The following SGPP2 variants were observed in gnomAD, a reference collection of about 807,000 sequenced individuals.
SGPP2 encodes the protein sphingosine 1-phosphate phosphohydrolase 2.
SGPP2 carries 30 observed loss-of-function variants against 33.9 expected under a neutral mutation model. That is an observed-to-expected ratio of 0.89 (90% CI 0.66 to 1.20). SGPP2 has a LOEUF of 1.20. SGPP2 is among the 50% of genes most tolerant of loss of function. The pLI is 0.00. For synonymous variants in SGPP2, 233 were observed against 225.0 expected, an observed-to-expected ratio of 1.04 and a Z score of -0.32; for missense variants, 458 against 532.1, an observed-to-expected ratio of 0.86 and a Z score of 1.37.
intron 1 of SGPP2, among the ~76,000 whole-genome samples, chr2:222,438,305 A>G (rs921261882): frequency 1.3e-5 from 2 of 152,198 alleles, no homozygotes; most frequent in African/African-American, 2.4e-5. Flanking sequence ...TGGCACGCAA[A>G]TGTCTCACCA....
At chr2:222,508,925 CA>C (rs1559164835) in intron 2 of SGPP2, among the ~76,000 whole-genome samples, 1 of 151,122 alleles carries the variant, frequency 6.6e-6, no homozygotes, top group Admixed American at 6.6e-5. Flanking sequence ...TCACATCCAG[CA>C]AAAAAAGCAA....
chr2:222,454,216 A>C (rs1287998392), intron 1 of SGPP2, among the ~76,000 whole-genome samples: 1 of 152,190 alleles, frequency 6.6e-6, no homozygotes, highest in Non-Finnish European at 1.5e-5. Context: ...ATCTGAAGAT[A>C]AAGAGAGGAG....
intron 2 of SGPP2, among the ~76,000 whole-genome samples, chr2:222,518,043 G>T (rs1698632247): frequency 6.6e-6 from 1 of 152,168 alleles, no homozygotes; most frequent in African/African-American, 2.4e-5. Flanking sequence ...CTAATACAAG[G>T]CTTGGCTCAT....
rs537356675 is a variant in SGPP2 at position 222,549,423 on chromosome 2, A to T, written c.649-8924A>T. ...TTCAGGTTTAGGGTCTGCTGTTGAG[A>T]TACCCAGTGATGTTCACTAAAAAAA... is the stretch of plus-strand genomic sequence containing the variant. On this transcript the variant is annotated intron_variant, in intron 4 of 4. Coordinates refer to ENST00000321276, the MANE Select transcript of SGPP2 (RefSeq NM_152386.4). Among the ~76,000 whole-genome samples, 4 of 152,344 alleles carry T rather than the reference A, an allele frequency of 2.6e-5. No individual in the cohort carries two copies. The East Asian group carries it at 7.7e-4, about 29-fold the overall frequency.
At position 222,472,667 on chromosome 2, in the gene SGPP2, T is replaced by C. The variant is rs141299500; in HGVS notation, c.220-1901T>C. Among the ~76,000 whole-genome samples, 980 of 152,336 alleles carry C rather than the reference T, an allele frequency of 6.4e-3. 10 individuals carry two copies. The highest frequency in any genetic ancestry group is 0.023 in the African/African-American group (957 of 41,570). ...CAGGCCTCTCCCAAAATTCTAATCTTGTGGCCTTTCATTAGTCTTACAAAG... is the reference window on the plus strand; with the variant it reads ...CAGGCCTCTCCCAAAATTCTAATCTCGTGGCCTTTCATTAGTCTTACAAAG... On this transcript the variant is annotated intron_variant, in intron 1 of 4. Transcript: ENST00000321276.
chr2:222,501,819 T>C (rs967036114), intron 2 of SGPP2, among the ~76,000 whole-genome samples: 1 of 152,246 alleles, frequency 6.6e-6, no homozygotes, highest in Non-Finnish European at 1.5e-5. Flanking sequence ...TGAGACATAT[T>C]AGAAAAATCC....
chr2:222,457,951 G>A (rs1697596650), intron 1 of SGPP2, among the ~76,000 whole-genome samples: 2 of 152,230 alleles, frequency 1.3e-5, no homozygotes, highest in African/African-American at 2.4e-5. Flanking sequence ...CTGGAGCAGG[G>A]TCAGAGCAGG....
chr2:222,433,784 T>C (rs1315560063), intron 1 of SGPP2, among the ~76,000 whole-genome samples: 2 of 152,234 alleles, frequency 1.3e-5, no homozygotes, highest in African/African-American at 4.8e-5. Context: ...CTTTGCTTTC[T>C]TCTGATGGAT....
intron 4 of SGPP2, among the ~76,000 whole-genome samples, chr2:222,552,758 G>A (rs1329390475): frequency 1.3e-5 from 2 of 152,146 alleles, no homozygotes; most frequent in African/African-American, 2.4e-5. Context: ...TACTCAGGAG[G>A]CTGAGGCAGG....
chr2:222,428,263 G>A (rs1697100945), intron 1 of SGPP2, among the ~76,000 whole-genome samples: 2 of 152,178 alleles, frequency 1.3e-5, no homozygotes, highest in Non-Finnish European at 2.9e-5. Context: ...ATTGCTTTGG[G>A]AGGCACTGCC....
At chr2:222,523,450 T>C (rs17563935) in intron 3 of SGPP2, among the ~76,000 whole-genome samples, 21,934 of 152,130 alleles carry the variant, frequency 0.14, 1,968 homozygotes, top group South Asian at 0.26. Context: ...AATATGCTAA[T>C]GTACCTTAAG....
chr2:222,480,813 G>A (rs1276477399), intron 2 of SGPP2, among the ~76,000 whole-genome samples: 1 of 152,064 alleles, frequency 6.6e-6, no homozygotes, highest in African/African-American at 2.4e-5. Flanking sequence ...ATTTCCATGC[G>A]TATATTCATT....
Position 222,521,947 on chromosome 2 carries a change from G to A in SGPP2, c.558+1G>A. The A allele has an allele frequency of 6.6e-7, 1 of 1,512,406 alleles. No individual in the cohort carries two copies. Among genetic ancestry groups the A allele is most frequent in the Non-Finnish European group, 8.8e-7 (1 of 1,130,884 alleles). The allele number at this position is 1,512,406 out of a possible 1,614,324, so 93.7% of individuals were successfully genotyped here. On this transcript the variant is annotated splice_donor_variant, in intron 3 of 4. Transcript: ENST00000321276. LOFTEE classifies it high-confidence loss of function. ...TATCTCTACTATGGACAGATACCAGGTAAGGTGGCCTGGTTCTTCTTCCTA... is the reference window on the plus strand; with the variant it reads ...TATCTCTACTATGGACAGATACCAGATAAGGTGGCCTGGTTCTTCTTCCTA...
At chr2:222,536,369 G>A (rs1698915378) in intron 4 of SGPP2, among the ~76,000 whole-genome samples, 1 of 152,158 alleles carries the variant, frequency 6.6e-6, no homozygotes, top group South Asian at 2.1e-4. Context: ...AAGGAAGGAT[G>A]TTTACATCAT....
At chr2:222,455,859 A>G (rs556548858) in intron 1 of SGPP2, among the ~76,000 whole-genome samples, 2 of 152,096 alleles carry the variant, frequency 1.3e-5, no homozygotes, top group East Asian at 1.9e-4. Context: ...CTATGATTGA[A>G]CCACTGTGCT....
chr2:222,541,734 C>T (rs1699001756), intron 4 of SGPP2, among the ~76,000 whole-genome samples: 1 of 151,948 alleles, frequency 6.6e-6, no homozygotes, highest in African/African-American at 2.4e-5. Flanking sequence ...GTGCCTCAGC[C>T]TCCCGAGTAG....
intron 2 of SGPP2, among the ~76,000 whole-genome samples, chr2:222,514,399 T>C (rs576527113): frequency 6.6e-6 from 1 of 152,352 alleles, no homozygotes; most frequent in East Asian, 1.9e-4. Flanking sequence ...AGTCTCACTA[T>C]GTAGCCTAGG....
At chr2:222,433,597 T>C (rs1355283328) in intron 1 of SGPP2, among the ~76,000 whole-genome samples, 1 of 152,178 alleles carries the variant, frequency 6.6e-6, no homozygotes, top group African/African-American at 2.4e-5. Context: ...TTTGTCTGAC[T>C]TGGCAGAAAT....
chr2:222,476,198 T>A lies in SGPP2; in HGVS notation c.378+1472T>A, dbSNP rs889461535. 6.6e-6 allele frequency among the ~76,000 whole-genome samples: 1 copy of A among 152,130 alleles called. No homozygotes were observed. The highest frequency in any genetic ancestry group is 1.5e-5 in the Non-Finnish European group (1 of 68,028). On this transcript the variant is annotated intron_variant, in intron 2 of 4. Coordinates refer to ENST00000321276, the MANE Select transcript of SGPP2 (RefSeq NM_152386.4). The surrounding 1 kb of genome is among the most constrained non-coding windows in gnomAD (Gnocchi z 4.3). ...CAAGTGACTTTCCTATGGTGAGCAT[T>A]ATGTTTTCTCATTTGTAGAACAAGT...
Sources: gnomAD v4.1 joint callset for allele counts (sites outside exome capture counted in the v4.1 genomes callset) on GRCh38, gnomAD v4.1.1 for gene constraint, Gnocchi (gnomAD v3.1) non-coding constraint, MANE v1.5 for transcripts, NCBI Gene and HGNC (gene_info 2026-07-23, HGNC 2026-07-21) for gene names.